DIAPH2: variants seen among roughly 807,000 people sequenced by gnomAD.
The protein encoded by DIAPH2 is protein diaphanous homolog 2.
Under a neutral mutation model 92.7 loss-of-function variants are expected in DIAPH2, and 35 were observed. That is an observed-to-expected ratio of 0.38 (90% CI 0.29 to 0.50). DIAPH2 has a LOEUF of 0.50. Among genes scored for constraint, DIAPH2 ranks in the 20% least tolerant of loss-of-function variants. The pLI is 0.94. For missense variants in DIAPH2, 701 were observed against 819.5 expected (o/e 0.86, Z 1.77); for synonymous variants, 301 against 280.4 (o/e 1.07, Z -0.73).
chrX:96,766,374 G>T (rs954052678), intron 4 of DIAPH2, among the ~76,000 whole-genome samples: 1 of 111,088 alleles, frequency 9.0e-6, no homozygotes, highest in Middle Eastern at 4.7e-3. Flanking sequence ...ATAAAGGGAA[G>T]AAACTATAGG....
intron 24 of DIAPH2, among the ~76,000 whole-genome samples, chrX:97,359,986 A>G (rs1370158602): frequency 9.0e-6 from 1 of 111,721 alleles, no homozygotes; most frequent in African/African-American, 3.3e-5. Context: ...GACATTGTTC[A>G]TGGGGTATTG....
At chrX:97,399,211 G>A (rs2069732162) in intron 25 of DIAPH2, among the ~76,000 whole-genome samples, 2 of 110,935 alleles carry the variant, frequency 1.8e-5, no homozygotes, top group Admixed American at 1.9e-4. Flanking sequence ...CCATATGCCA[G>A]GTTTTGTTTG....
At chrX:96,911,499 C>T (rs1287340338) in intron 5 of DIAPH2, among the ~76,000 whole-genome samples, 1 of 111,324 alleles carries the variant, frequency 9.0e-6, no homozygotes, top group Non-Finnish European at 1.9e-5. Flanking sequence ...CAGCTCCTGC[C>T]ACATGGGTCT....
intron 5 of DIAPH2, among the ~76,000 whole-genome samples, chrX:96,911,484 G>C (rs1051891603): frequency 9.0e-6 from 1 of 111,171 alleles, no homozygotes; most frequent in Non-Finnish European, 1.9e-5. Flanking sequence ...CTAAACCTGC[G>C]TACTCAGCTC....
chrX:97,382,460 G>A (rs1160740981), intron 24 of DIAPH2, among the ~76,000 whole-genome samples: 2 of 112,012 alleles, frequency 1.8e-5, no homozygotes, highest in African/African-American at 6.5e-5. Context: ...GCATCTGGCA[G>A]GTAGAGGCCA....
intron 4 of DIAPH2, among the ~76,000 whole-genome samples, chrX:96,811,414 T>G (rs778401250): frequency 2.9e-4 from 33 of 112,168 alleles, no homozygotes; most frequent in Middle Eastern, 9.1e-3. Flanking sequence ...AAGGAGATTT[T>G]AGGCTGAGAC....
intron 4 of DIAPH2, among the ~76,000 whole-genome samples, chrX:96,765,712 T>G (rs540558589): frequency 1.8e-5 from 2 of 110,958 alleles, no homozygotes; most frequent in Admixed American, 9.6e-5. Flanking sequence ...ACTACTATAT[T>G]TCCCTCCTCA....
chrX:97,008,987 C>A (rs1181005101), intron 17 of DIAPH2, among the ~76,000 whole-genome samples: 1 of 111,376 alleles, frequency 9.0e-6, no homozygotes, highest in Non-Finnish European at 1.9e-5. Flanking sequence ...CCAAAGCCAG[C>A]CAGGGTTGTC....
At chrX:97,090,326 TTTTTTTTTG>T (rs2066815194) in intron 19 of DIAPH2, among the ~76,000 whole-genome samples, 1 of 55,559 alleles carries the variant, frequency 1.8e-5, no homozygotes, top group East Asian at 6.0e-4. Context: ...TTTTTTTTTT[TTTTTTTTTG>T]AGAAAGAGCT....
At chrX:97,446,188 T>C (rs759665727) in intron 26 of DIAPH2, among the ~76,000 whole-genome samples, 2 of 111,589 alleles carry the variant, frequency 1.8e-5, no homozygotes, top group South Asian at 3.8e-4. Context: ...GTATACACAA[T>C]TGCAAAATGA....
intron 5 of DIAPH2, among the ~76,000 whole-genome samples, chrX:96,887,009 C>T (rs1460353976): frequency 1.8e-5 from 2 of 110,490 alleles, no homozygotes; most frequent in Non-Finnish European, 3.8e-5. Context: ...CAACCTCTCT[C>T]CCATCCTGTG....
chrX:97,214,740 A>G (rs2147509209), intron 22 of DIAPH2, among the ~76,000 whole-genome samples: 1 of 106,025 alleles, frequency 9.4e-6, no homozygotes, highest in African/African-American at 3.4e-5. Flanking sequence ...CTGAGGCAGG[A>G]GAATTGCTTA....
At position 97,247,827 on chromosome X, in the gene DIAPH2, G is replaced by A. The variant is rs1403790127; in HGVS notation, c.2832G>A (p.Val944=). ...PQAENQHDKF[V]EKMTSFTKTA... ...CAGAAAATCAACACGATAAGTTTGTGGAAAAGATGACCATATCCTTTATTT... is the reference window on the plus strand; with the variant it reads ...CAGAAAATCAACACGATAAGTTTGTAGAAAAGATGACCATATCCTTTATTT... The change falls in exon 23 of 27, where the codon GTG becomes GTA. Residue 944 remains valine, a synonymous_variant. Transcript: ENST00000324765. 35 of 1,206,345 alleles carry A rather than the reference G, an allele frequency of 2.9e-5. No individual in the cohort carries two copies. The highest frequency in any genetic ancestry group is 3.7e-5 in the Non-Finnish European group (33 of 893,258).
At chrX:96,754,645 C>G (rs758514770) in intron 3 of DIAPH2, among the ~76,000 whole-genome samples, 2 of 110,780 alleles carry the variant, frequency 1.8e-5, no homozygotes, top group African/African-American at 3.3e-5. Flanking sequence ...GATACATATG[C>G]TGGGTGTGGT....
In DIAPH2 at chrX:96,965,289, G is replaced by T. The variant is rs2065887652; in HGVS notation, c.2050+82G>T. 4.7e-6 allele frequency: 3 copies of T among 640,331 alleles called. No homozygotes were observed. The East Asian group carries it at 1.4e-4, about 29-fold the overall frequency. The allele number at this position is 640,331 out of a possible 1,213,427, so 52.8% of individuals were successfully genotyped here. On this transcript the variant is annotated intron_variant, in intron 17 of 26. Coordinates refer to ENST00000324765, the MANE Select transcript of DIAPH2 (RefSeq NM_006729.5). ...CTTTGCTAAAAATTTCTAGTAATGG[G>T]TATATGTATACTTTTCCCACACTGG...
intron 15 of DIAPH2, among the ~76,000 whole-genome samples, chrX:96,949,582 G>A (rs1296380849): frequency 1.9e-5 from 2 of 106,629 alleles, no homozygotes; most frequent in Non-Finnish European, 3.8e-5. Flanking sequence ...GGTGGCTCAC[G>A]CCTATAATCC....
chrX:96,795,976 C>A (rs1369329415), intron 4 of DIAPH2, among the ~76,000 whole-genome samples: 1 of 110,819 alleles, frequency 9.0e-6, no homozygotes, highest in Non-Finnish European at 1.9e-5. Flanking sequence ...GAGACACAAC[C>A]AACGGAGAAA....
rs184208882 is a variant in DIAPH2, at chrX:97,400,504, C to A, written c.3145+16460C>A. Among the ~76,000 whole-genome samples the A allele has an allele frequency of 2.9e-3, 329 of 111,638 alleles. 1 individual carries two copies. The highest frequency in any genetic ancestry group is 8.7e-3 in the African/African-American group (267 of 30,776). ...ATTAAATCAATCTAATTAACATATT[C>A]ATCACCTCATATACTTTTTTGGTGG... On this transcript the variant is annotated intron_variant, in intron 25 of 26. Coordinates refer to ENST00000324765, the MANE Select transcript of DIAPH2 (RefSeq NM_006729.5).
At chrX:96,912,916 G>C (rs930885246) in intron 7 of DIAPH2, among the ~76,000 whole-genome samples, 2 of 109,764 alleles carry the variant, frequency 1.8e-5, no homozygotes, top group Non-Finnish European at 3.8e-5. Context: ...AGATAAATTT[G>C]ATGTTTAATT....
Sources: gnomAD v4.1 joint callset for allele counts (sites outside exome capture counted in the v4.1 genomes callset) on GRCh38, gnomAD v4.1.1 for gene constraint, MANE v1.5 for transcripts, NCBI Gene and HGNC (gene_info 2026-07-23, HGNC 2026-07-21) for gene names.